FMNL2: variants seen among roughly 807,000 people sequenced by gnomAD.
FMNL2 encodes the protein formin like 2.
FMNL2 carries 51 observed loss-of-function variants against 130.2 expected under a neutral mutation model. The observed-to-expected ratio is 0.39, with a 90% CI of 0.31 to 0.49. FMNL2 has a LOEUF of 0.49. FMNL2 is among the 20% of genes least tolerant of loss of function. The pLI is 0.85. For missense variants in FMNL2, 977 were observed against 1,316.2 expected (o/e 0.74, Z 3.99); for synonymous variants, 465 against 467.1 (o/e 1.00, Z 0.06).
intron 1 of FMNL2, among the ~76,000 whole-genome samples, chr2:152,498,746 T>G (rs1691650835): frequency 6.6e-6 from 1 of 152,214 alleles, no homozygotes; most frequent in Non-Finnish European, 1.5e-5. Flanking sequence ...CCACCCTTTT[T>G]CTTTAAAACC....
chr2:152,350,912 G>T (rs1004706894), intron 1 of FMNL2, among the ~76,000 whole-genome samples: 1 of 152,092 alleles, frequency 6.6e-6, no homozygotes, highest in Non-Finnish European at 1.5e-5. Flanking sequence ...GGGTATGGTG[G>T]CGCGCACTTG....
intron 1 of FMNL2, among the ~76,000 whole-genome samples, chr2:152,402,159 C>T (rs1007478242): frequency 9.2e-5 from 14 of 152,090 alleles, no homozygotes; most frequent in African/African-American, 3.1e-4. Flanking sequence ...GCCTTGGCCT[C>T]CCAAAGTGCT....
intron 1 of FMNL2, among the ~76,000 whole-genome samples, chr2:152,459,535 T>C (rs189802531): frequency 1.3e-5 from 2 of 152,374 alleles, no homozygotes; most frequent in Admixed American, 1.3e-4. Flanking sequence ...AAATGTTTTT[T>C]GTTTCTTTCA....
intron 6 of FMNL2, among the ~76,000 whole-genome samples, chr2:152,574,434 CAAAAAAAAAAAA>C (rs57776446): frequency 9.3e-6 from 1 of 106,962 alleles, no homozygotes; most frequent in Non-Finnish European, 1.9e-5. Context: ...GACTCTGTCT[CAAAAAAAAAAAA>C]AAAAAAAAGA....
intron 10 of FMNL2, among the ~76,000 whole-genome samples, chr2:152,609,274 G>A (rs1440940569): frequency 1.3e-5 from 2 of 152,212 alleles, no homozygotes; most frequent in African/African-American, 2.4e-5. Flanking sequence ...CCTTCAGATA[G>A]TTGCCTCTTA....
chr2:152,382,113 A>T (rs574778584), intron 1 of FMNL2, among the ~76,000 whole-genome samples: 1 of 152,268 alleles, frequency 6.6e-6, no homozygotes, highest in East Asian at 1.9e-4. Flanking sequence ...ATCTTTACAT[A>T]CCGGTTTTAA....
rs1699092955 is a variant in FMNL2, at chr2:152,619,018, T to G, written c.1487T>G (p.Val496Gly). The G allele has an allele frequency of 1.2e-6, 2 of 1,613,942 alleles. No individual in the cohort carries two copies. Among genetic ancestry groups the G allele is most frequent in the Admixed American group, 1.7e-5 (1 of 60,016 alleles). ...KGDGDIAILPVVASGTLSMGS... is the reference protein window; with the variant it reads ...KGDGDIAILPGVASGTLSMGS... ...GATGGGGATATCGCCATACTGCCAG[T>G]TGTGGCTTCTGGCACATTGTCCATG... Residue 496 changes from valine (V) to glycine (G), a missense_variant, in exon 14 of 26, where the codon GTT (valine) becomes GGT (glycine). Val to Gly is a moderately radical substitution (Grantham distance 109). Coordinates refer to ENST00000288670, the MANE Select transcript of FMNL2 (RefSeq NM_052905.4).
chr2:152,569,924 T>TCC (rs1195228146), intron 6 of FMNL2, among the ~76,000 whole-genome samples: 4 of 151,520 alleles, frequency 2.6e-5, no homozygotes, highest in African/African-American at 9.7e-5. Flanking sequence ...GGCAGGAGAA[T>TCC]TGCTTGAACC....
intron 25 of FMNL2, among the ~76,000 whole-genome samples, chr2:152,646,475 A>T (rs1045214959): frequency 2.0e-5 from 3 of 152,194 alleles, no homozygotes; most frequent in African/African-American, 4.8e-5. Flanking sequence ...TTTGCTGTGT[A>T]GGAACTGGGG....
intron 25 of FMNL2, 109 bp downstream of exon 25, chr2:152,641,023 A>C: frequency 6.9e-7 from 1 of 1,440,160 alleles, no homozygotes; most frequent in Non-Finnish European, 9.5e-7. Flanking sequence ...CAAGTTCATT[A>C]GTTGACTTTA....
intron 1 of FMNL2, among the ~76,000 whole-genome samples, chr2:152,336,090 A>G (rs1465979068): frequency 7.1e-6 from 1 of 141,054 alleles, no homozygotes; most frequent in Admixed American, 6.9e-5. Flanking sequence ...TTTTTTTTTA[A>G]AAAAAACAAA....
In FMNL2 at chr2:152,621,397, G is replaced by T. The variant is rs1012979197; in HGVS notation, c.1837+1679G>T. ...GATTGATCTATTTATTAATTGTTTT[G>T]CTTGGGTTCTTCCCACTACTTGATT... On this transcript the variant is annotated intron_variant, in intron 15 of 25. Transcript: ENST00000288670. 7.2e-5 allele frequency among the ~76,000 whole-genome samples: 11 copies of T among 152,272 alleles called. 1 individual carries two copies. Among genetic ancestry groups the T allele is most frequent in the Middle Eastern group, 3.4e-3 (1 of 294 alleles).
At chr2:152,434,101 T>C (rs78038853) in intron 1 of FMNL2, among the ~76,000 whole-genome samples, 3,242 of 152,264 alleles carry the variant, frequency 0.021, 108 homozygotes, top group African/African-American at 0.074. Context: ...CTGTAATTAT[T>C]CCATTGAATT....
chr2:152,391,832 C>T (rs16831043), intron 1 of FMNL2, among the ~76,000 whole-genome samples: 8,428 of 129,018 alleles, frequency 0.065, 609 homozygotes, highest in Admixed American at 0.23. Context: ...AATGAAATAA[C>T]GCTGGCTAGA....
intron 25 of FMNL2, chr2:152,643,612 G>A: frequency 6.6e-7 from 1 of 1,506,082 alleles, no homozygotes; most frequent in South Asian, 1.2e-5. Context: ...CAACATGCTA[G>A]CATGGAATTG....
intron 9 of FMNL2, among the ~76,000 whole-genome samples, chr2:152,594,132 T>A (rs1254871948): frequency 6.6e-6 from 1 of 151,996 alleles, no homozygotes; most frequent in African/African-American, 2.4e-5. Flanking sequence ...GTGATGTAAG[T>A]TTTTGCTTTA....
chr2:152,540,898 G>A (rs1241662202), intron 2 of FMNL2, among the ~76,000 whole-genome samples: 1 of 152,156 alleles, frequency 6.6e-6, no homozygotes, highest in Non-Finnish European at 1.5e-5. Flanking sequence ...GTGGCCTTTA[G>A]CATTTTAAAA....
intron 1 of FMNL2, among the ~76,000 whole-genome samples, chr2:152,447,273 A>T (rs914233481): frequency 6.2e-4 from 94 of 151,964 alleles, no homozygotes; most frequent in Non-Finnish European, 7.6e-4. Context: ...GCTAATTTTT[A>T]AAAAGTTTTT....
intron 4 of FMNL2, among the ~76,000 whole-genome samples, chr2:152,553,994 G>A (rs1052600946): frequency 6.6e-6 from 1 of 152,164 alleles, no homozygotes; most frequent in African/African-American, 2.4e-5. Context: ...GGTCTTTTCA[G>A]ATAATTGGGA....
Sources: allele counts gnomAD v4.1 joint callset (sites outside exome capture counted in the v4.1 genomes callset), GRCh38; gene constraint gnomAD v4.1.1; transcripts MANE v1.5; gene names NCBI Gene and HGNC (gene_info 2026-07-23, HGNC 2026-07-21).